The following MON2 variants were observed in gnomAD, a reference collection of about 807,000 sequenced individuals.
MON2 encodes MON2 regulator of endosome-to-Golgi trafficking, also known as protein MON2 homolog.
A neutral mutation model predicts 208.6 loss-of-function variants in MON2; 84 were observed. The observed-to-expected ratio is 0.40, with a 90% CI of 0.34 to 0.48. The LOEUF is 0.48. Ranked by LOEUF, MON2 falls within the 20% of genes least tolerant of loss-of-function variation. The pLI is 0.59. For synonymous variants in MON2, 660 were observed against 694.0 expected (o/e 0.95, Z 0.77); for missense variants, 1,611 against 2,015.4 (o/e 0.80, Z 3.84).
chr12:62,553,086 G>C lies in MON2; in HGVS notation c.3122G>C (p.Arg1041Thr). ...TGTGTGGATCCCCGTCCTGCTGTCA[G>C]GAAGAGTGCAGGGCAAACTCTGTTT... ...ELCVDPRPAV[R>T]KSAGQTLFST... The change falls in exon 24 of 35, where the codon AGG becomes ACG. Residue 1041 changes from arginine (R) to threonine (T), a missense_variant. By Grantham distance (71) the Arg-to-Thr change is moderately conservative. Coordinates refer to ENST00000393630, the MANE Select transcript of MON2 (RefSeq NM_015026.3). 1 of 1,614,052 alleles carries C rather than the reference G, an allele frequency of 6.2e-7. No individual in the cohort carries two copies. Among genetic ancestry groups the C allele is most frequent in the Non-Finnish European group, 8.5e-7 (1 of 1,179,990 alleles).
intron 6 of MON2, 147 bp from the exon 7 acceptor site, chr12:62,501,426 A>C: frequency 1.3e-6 from 1 of 798,732 alleles, no homozygotes; most frequent in Non-Finnish European, 1.9e-6. Flanking sequence ...ACAATTTGTC[A>C]AAATTGGAAT....
chr12:62,534,724 T>G, intron 12 of MON2, 121 bp from the exon 13 acceptor site: 1 of 656,414 alleles, frequency 1.5e-6, no homozygotes, highest in East Asian at 3.0e-5. Flanking sequence ...TTAGATTTAA[T>G]AATTAAGTTG....
chr12:62,506,048 A>G (rs2071084578), intron 7 of MON2, among the ~76,000 whole-genome samples: 3 of 152,204 alleles, frequency 2.0e-5, no homozygotes. Context: ...GAGGAAACCC[A>G]ACTGTAGTGA....
intron 1 of MON2, among the ~76,000 whole-genome samples, chr12:62,479,273 A>T (rs951702174): frequency 3.3e-5 from 5 of 152,242 alleles, no homozygotes; most frequent in African/African-American, 9.6e-5. Context: ...ATCTGAGGAT[A>T]TTCAAGCCCC....
intron 21 of MON2, among the ~76,000 whole-genome samples, chr12:62,546,446 G>A (rs975087719): frequency 4.0e-5 from 6 of 151,892 alleles, no homozygotes; most frequent in African/African-American, 1.5e-4. Context: ...AATGATATTT[G>A]ATGTTTATTT....
At chr12:62,581,021 C>T (rs1440412124) in intron 32 of MON2, among the ~76,000 whole-genome samples, 4 of 152,160 alleles carry the variant, frequency 2.6e-5, no homozygotes, top group African/African-American at 4.8e-5. Context: ...TATATTATTT[C>T]TCACAACATT....
intron 3 of MON2, among the ~76,000 whole-genome samples, chr12:62,494,356 ACT>A (rs1392021450): frequency 6.6e-6 from 1 of 152,016 alleles, no homozygotes; most frequent in Non-Finnish European, 1.5e-5. Flanking sequence ...GAAGAGCGTG[ACT>A]CTCTTTCCTA....
In MON2 at chr12:62,595,148, T is replaced by G. The variant is rs185948125; in HGVS notation, c.*2399T>G. 5.3e-5 allele frequency: 8 copies of G among 152,134 alleles called. No individual in the cohort carries two copies. The highest frequency in any genetic ancestry group is 4.6e-4 in the Admixed American group (7 of 15,274). 9.4% of individuals were successfully genotyped at this position (152,134 alleles called of 1,614,324 possible). A position where few individuals can be genotyped will look rare whatever the true frequency, so the allele number is the denominator to read the frequency against. On this transcript the variant is annotated 3_prime_UTR_variant, in exon 35 of 35. Coordinates refer to ENST00000393630, the MANE Select transcript of MON2 (RefSeq NM_015026.3). The stretch of plus-strand genomic sequence containing the variant: ...TTACTAGAAATACTATGAGTTTTTT[T>G]TTTTTTTTTCATTTGAGACGGAGTC...
chr12:62,542,683 T>C (rs2073290266), intron 19 of MON2, among the ~76,000 whole-genome samples: 2 of 152,198 alleles, frequency 1.3e-5, no homozygotes, highest in Non-Finnish European at 2.9e-5. Flanking sequence ...TGATCTCTGC[T>C]ATAGTCTTGA....
Position 62,566,488 on chromosome 12 carries a change from G to A in MON2, c.4323+38G>A, listed in dbSNP as rs774046059. On this transcript the variant is annotated intron_variant, in intron 29 of 34. Coordinates refer to ENST00000393630, the MANE Select transcript of MON2 (RefSeq NM_015026.3). The stretch of plus-strand genomic sequence containing the variant: ...CATTTCTACACTTTCATTAGATGGT[G>A]TGAACATTATTGAAATTATTCCTTA... 1.5e-5 allele frequency: 24 copies of A among 1,567,840 alleles called. No individual in the cohort carries two copies. The African/African-American group carries it at 2.5e-4, about 16-fold the overall frequency.
chr12:62,474,233 C>G lies in MON2; in HGVS notation c.111+6915C>G, dbSNP rs201325314. 2.0e-4 allele frequency among the ~76,000 whole-genome samples: 31 copies of G among 152,072 alleles called. No homozygotes were observed. The East Asian group carries it at 5.2e-3, about 26-fold the overall frequency. ...TCCCAGGTTCAAGCGATTCTCCTGC[C>G]TCAGCCTCCTGAGTAGCTGGGATTA... On this transcript the variant is annotated intron_variant, in intron 1 of 34. Coordinates refer to ENST00000393630, the MANE Select transcript of MON2 (RefSeq NM_015026.3).
chr12:62,498,038 T>G (rs907046923), intron 4 of MON2, among the ~76,000 whole-genome samples: 3 of 144,558 alleles, frequency 2.1e-5, no homozygotes, highest in Admixed American at 1.4e-4. Flanking sequence ...TATATGAATG[T>G]TCATAGCAGC....
At position 62,500,865 on chromosome 12, in the gene MON2, A is replaced by G. The variant is rs1030898647; in HGVS notation, c.648A>G (p.Ala216=). ...VSTLKPCAKD[A]YMLFQDLCQL... is the part of the protein sequence containing the mutation. ...CCCTCAAACCTTGTGCTAAAGATGC[A>G]TATATGCTTTTCCAGGTATTTTAGT... Residue 216 remains alanine, a synonymous_variant, in exon 6 of 35, where the codon GCA becomes GCG. Transcript: ENST00000393630. 31 of 1,564,670 alleles carry G rather than the reference A, an allele frequency of 2.0e-5. No homozygotes were observed. Among genetic ancestry groups the G allele is most frequent in the Non-Finnish European group, 2.6e-5 (30 of 1,151,840 alleles).
rs758222018 is a variant in MON2, at chr12:62,575,743, G to GGGCT, written c.4515-2701_4515-2698dup. On this transcript the variant is annotated intron_variant, in intron 30 of 34. Transcript: ENST00000393630. ...AAAGAAAGCCTTTGCATGTCGTTGA[G>GGGCT]GGCTATAAGTAAACAGTTTAAGAGA... Among the ~76,000 whole-genome samples the GGGCT allele has an allele frequency of 3.9e-5, 6 of 152,252 alleles. No individual in the cohort carries two copies. The East Asian group carries it at 9.7e-4, about 25-fold the overall frequency.
chr12:62,551,731 C>A (rs1162077758), intron 23 of MON2, among the ~76,000 whole-genome samples: 1 of 152,094 alleles, frequency 6.6e-6, no homozygotes, highest in Non-Finnish European at 1.5e-5. Context: ...GTAATGAAAT[C>A]TTAGAGAATT....
At chr12:62,577,645 A>G (rs1446544077) in intron 30 of MON2, among the ~76,000 whole-genome samples, 2 of 152,080 alleles carry the variant, frequency 1.3e-5, no homozygotes, top group Non-Finnish European at 2.9e-5. Flanking sequence ...ATTAGTAGGC[A>G]TTCTAAGTTT....
chr12:62,513,752 G>A lies in MON2; in HGVS notation c.984+5272G>A, dbSNP rs545084677. 1.8e-3 allele frequency among the ~76,000 whole-genome samples: 266 copies of A among 146,956 alleles called. 8 individuals carry two copies. The highest frequency in any genetic ancestry group is 6.1e-3 in the African/African-American group (248 of 40,926). ...ATGAGGTCAGGAGATCGAGACCATC[G>A]TGGCTAACATGGTGAAACCCCATCT... On this transcript the variant is annotated intron_variant, in intron 8 of 34. Coordinates refer to ENST00000393630, the MANE Select transcript of MON2 (RefSeq NM_015026.3).
At position 62,556,071 on chromosome 12, in the gene MON2, C is replaced by T; in HGVS notation, c.3288C>T (p.Gly1096=). The change falls in exon 25 of 35, where the codon GGC becomes GGT. Residue 1096 remains glycine (G), a synonymous_variant. Coordinates refer to ENST00000393630, the MANE Select transcript of MON2 (RefSeq NM_015026.3). The part of the protein sequence containing the change: ...ADKEKIESGG[G]NILIHHSRDT... ...AAGAAAAGATTGAGTCTGGAGGTGG[C>T]AATATTCTCATTCATCATTCAAGGG... 6.2e-7 allele frequency: 1 copy of T among 1,613,774 alleles called. No homozygotes were observed. The highest frequency in any genetic ancestry group is 8.5e-7 in the Non-Finnish European group (1 of 1,179,922).
chr12:62,570,722 C>CTTTTTTTTTTTTTTTTTTT (rs1192680038), intron 29 of MON2, among the ~76,000 whole-genome samples: 1 of 70,814 alleles, frequency 1.4e-5, no homozygotes, highest in Non-Finnish European at 2.6e-5. Context: ...TTTTCTTTTT[C>CTTTTTTTTTTTTTTTTTTT]TTTTTTTTTT....
Sources: allele counts gnomAD v4.1 joint callset (sites outside exome capture counted in the v4.1 genomes callset), GRCh38; gene constraint gnomAD v4.1.1; transcripts MANE v1.5; gene names NCBI Gene and HGNC (gene_info 2026-07-23, HGNC 2026-07-21).